PALD1: variants seen among roughly 807,000 people sequenced by gnomAD.
The protein encoded by PALD1 is phosphatase domain containing paladin 1.
A neutral mutation model predicts 96.0 loss-of-function variants in PALD1; 57 were observed. The ratio of observed to expected loss-of-function variants is 0.59; its 90% CI spans 0.48 to 0.74. PALD1 has a LOEUF of 0.74. PALD1 is among the 30% of genes least tolerant of loss of function. The pLI is 0.00. For synonymous variants in PALD1, 464 were observed against 473.6 expected, an observed-to-expected ratio of 0.98 and a Z score of 0.26; for missense variants, 1,063 against 1,143.7, an observed-to-expected ratio of 0.93 and a Z score of 1.02.
chr10:70,465,340 A>G, the PALD1 span, among the ~76,000 whole-genome samples: 5 of 152,102 alleles, frequency 3.3e-5, no homozygotes, highest in African/African-American at 1.2e-4. Context: ...TCCATTTTAC[A>G]GGTGGGGAAA....
intron 1 of PALD1, among the ~76,000 whole-genome samples, chr10:70,499,680 T>C (rs10999355): frequency 0.86 from 130,950 of 152,274 alleles, 57,176 homozygotes; most frequent in East Asian, 0.96. Context: ...GGTGGTGGAG[T>C]GCTTGCTCCC....
Position 70,514,805 on chromosome 10 carries a change from G to C in PALD1, c.-29-11118G>C, listed in dbSNP as rs61859475. On this transcript the variant is annotated intron_variant, in intron 1 of 19. Coordinates refer to ENST00000263563, the MANE Select transcript of PALD1 (RefSeq NM_014431.3). ...AGAGGGCCAGGGTTAAGGACACGGG[G>C]CCGGAGGAGCATGGGGTGCTTTGAG... Among the ~76,000 whole-genome samples, 1,172 of 152,254 alleles carry C rather than the reference G, an allele frequency of 7.7e-3. 8 individuals carry two copies. Among genetic ancestry groups the C allele is most frequent in the Non-Finnish European group, 0.011 (728 of 68,016 alleles).
intron 1 of PALD1, among the ~76,000 whole-genome samples, chr10:70,520,546 G>GAGTATGTTGGAGCATC (rs1225716132): frequency 9.2e-5 from 14 of 152,216 alleles, no homozygotes; most frequent in African/African-American, 3.4e-4. Context: ...CAGGTTGGGT[G>GAGTATGTTGGAGCATC]AGTATGTTGG....
chr10:70,535,622 C>G (rs963764010), intron 10 of PALD1, among the ~76,000 whole-genome samples: 4 of 145,372 alleles, frequency 2.8e-5, no homozygotes, highest in Non-Finnish European at 6.0e-5. Flanking sequence ...TCCTTCTCCT[C>G]CTTCTTCTCG....
the PALD1 span, among the ~76,000 whole-genome samples, chr10:70,464,526 C>T: frequency 1.4e-4 from 21 of 151,926 alleles, no homozygotes; most frequent in Non-Finnish European, 2.6e-4. Flanking sequence ...GCTTCTTTCA[C>T]TCATCATTAG....
chr10:70,547,933 C>A (rs2132415469), intron 18 of PALD1, among the ~76,000 whole-genome samples: 1 of 152,214 alleles, frequency 6.6e-6, no homozygotes, highest in Non-Finnish European at 1.5e-5. Flanking sequence ...GTCTGTGCTG[C>A]CCTGGGGCTG....
At position 70,532,690 on chromosome 10, in the gene PALD1, G is replaced by A. The variant is rs1314882571; in HGVS notation, c.703G>A (p.Glu235Lys). The stretch of plus-strand genomic sequence containing the variant: ...CCATAACACCGAGGACCTGTGGGGG[G>A]AGCCCCATGCTGTGGCCATCCATGG... ...VYHNTEDLWGEPHAVAIHGED... is the reference protein window; with the variant it reads ...VYHNTEDLWGKPHAVAIHGED... The change falls in exon 6 of 20, where the codon GAG becomes AAG. Residue 235 changes from glutamate (E) to lysine (K), a missense_variant. By Grantham distance (56) the Glu-to-Lys change is moderately conservative. Coordinates refer to ENST00000263563, the MANE Select transcript of PALD1 (RefSeq NM_014431.3). The A allele has an allele frequency of 1.9e-6, 3 of 1,614,182 alleles. No individual in the cohort carries two copies. The highest frequency in any genetic ancestry group is 1.7e-5 in the Admixed American group (1 of 60,034).
intron 1 of PALD1, among the ~76,000 whole-genome samples, chr10:70,495,272 C>T (rs1846173046): frequency 6.6e-6 from 1 of 152,214 alleles, no homozygotes; most frequent in South Asian, 2.1e-4. Flanking sequence ...GCCTCTCAGC[C>T]CCTGGTAGCC....
intron 1 of PALD1, among the ~76,000 whole-genome samples, chr10:70,516,781 A>G (rs1846628064): frequency 2.0e-5 from 3 of 151,828 alleles, no homozygotes; most frequent in Admixed American, 6.6e-5. Flanking sequence ...CTGGTCTCAA[A>G]TTCCTGGGCT....
chr10:70,459,675 G>GA, the PALD1 span, among the ~76,000 whole-genome samples: 1 of 152,236 alleles, frequency 6.6e-6, no homozygotes, highest in Non-Finnish European at 1.5e-5. Flanking sequence ...GTGACGTTGG[G>GA]ATCTTCTCTG....
At chr10:70,499,075 T>A (rs1161899294) in intron 1 of PALD1, among the ~76,000 whole-genome samples, 2 of 152,192 alleles carry the variant, frequency 1.3e-5, no homozygotes, top group Admixed American at 1.3e-4. Context: ...ACCATATCCC[T>A]ATGAAGTAGG....
In PALD1 at chr10:70,541,151, C is replaced by G. The variant is rs1352486425; in HGVS notation, c.1958C>G (p.Pro653Arg). Residue 653 changes from proline (P) to arginine (R), a missense_variant, in exon 16 of 20, where the codon CCA (proline) becomes CGA (arginine). Transcript: ENST00000263563. Reference sequence around the variant, plus strand: ...CTGCGGGCCGCCCTCTCCAAGGACCCAGGCACTGGCTTCGTGTTCAGCTGC... The same window carrying G: ...CTGCGGGCCGCCCTCTCCAAGGACCGAGGCACTGGCTTCGTGTTCAGCTGC... ...EALRAALSKDPGTGFVFSCLS... is the reference protein window; with the variant it reads ...EALRAALSKDRGTGFVFSCLS... 6.2e-7 allele frequency: 1 copy of G among 1,613,664 alleles called. No homozygotes were observed. Among genetic ancestry groups the G allele is most frequent in the East Asian group, 2.2e-5 (1 of 44,828 alleles).
At chr10:70,558,299 A>T (rs12414231) in intron 18 of PALD1, among the ~76,000 whole-genome samples, 1 of 151,780 alleles carries the variant, frequency 6.6e-6, no homozygotes, top group African/African-American at 2.4e-5. Context: ...CCATGTGACC[A>T]TGGCAGGTCA....
chr10:70,477,648 T>A (rs937548228), upstream of PALD1, among the ~76,000 whole-genome samples: 2 of 152,170 alleles, frequency 1.3e-5, no homozygotes, highest in African/African-American at 4.8e-5. Context: ...ACCACCACAA[T>A]GAGTGATTTC....
intron 1 of PALD1, among the ~76,000 whole-genome samples, chr10:70,517,311 A>G (rs889672571): frequency 1.3e-5 from 2 of 151,808 alleles, no homozygotes; most frequent in Admixed American, 6.6e-5. Flanking sequence ...GGTAGCGTTC[A>G]TACAATGAAA....
the PALD1 span, among the ~76,000 whole-genome samples, chr10:70,469,694 A>C: frequency 1.3e-5 from 2 of 151,942 alleles, no homozygotes; most frequent in African/African-American, 4.8e-5. Flanking sequence ...TCAGGTCATG[A>C]GTTCCTCATT....
rs1192023207 is a variant in PALD1, at chr10:70,566,578, C to A, written c.2419-3C>A. ...ACTGCTCCTGCCTCTGCTCTCCTCC[C>A]AGGTGGCATCGAAGGCTGGCATCTA... On this transcript the variant is annotated splice_region_variant and splice_polypyrimidine_tract_variant and intron_variant, in intron 19 of 19. Coordinates refer to ENST00000263563, the MANE Select transcript of PALD1 (RefSeq NM_014431.3). 5 of 1,605,842 alleles carry A rather than the reference C, an allele frequency of 3.1e-6. No homozygotes were observed. Among genetic ancestry groups the A allele is most frequent in the Non-Finnish European group, 4.3e-6 (5 of 1,176,272 alleles).
At chr10:70,486,527 G>A (rs185921349) in intron 1 of PALD1, among the ~76,000 whole-genome samples, 3 of 152,210 alleles carry the variant, frequency 2.0e-5, no homozygotes, top group African/African-American at 7.2e-5. Context: ...TTGGGAGGCC[G>A]GGGCAGGCGG....
At chr10:70,485,172 AT>A (rs3034566) in intron 1 of PALD1, among the ~76,000 whole-genome samples, 7 of 150,136 alleles carry the variant, frequency 4.7e-5, no homozygotes, top group South Asian at 2.1e-4. Flanking sequence ...TTAAAGTTAA[AT>A]TTTTTTTTTT....
Sources: allele counts gnomAD v4.1 joint callset (sites outside exome capture counted in the v4.1 genomes callset), GRCh38; gene constraint gnomAD v4.1.1; transcripts MANE v1.5; gene names NCBI Gene and HGNC (gene_info 2026-07-23, HGNC 2026-07-21).